The following PFKP variants were observed in gnomAD, a reference collection of about 807,000 sequenced individuals.
The protein encoded by PFKP is ATP-dependent 6-phosphofructokinase, platelet type.
PFKP carries 101 observed loss-of-function variants against 94.3 expected under a neutral mutation model. That is an observed-to-expected ratio of 1.07 (90% CI 0.91 to 1.26). PFKP has a LOEUF of 1.26. Ranked by LOEUF, PFKP falls within the 50% of genes most tolerant of loss-of-function variation. PFKP has a pLI of 0.00. For synonymous variants in PFKP, 573 were observed against 432.6 expected (o/e 1.32, Z -4.03); for missense variants, 1,145 against 1,103.3 (o/e 1.04, Z -0.53).
At chr10:3,068,813 G>A in intron 1 of PFKP, 2 of 527,124 alleles carry the variant, frequency 3.8e-6, no homozygotes, top group Non-Finnish European at 4.9e-6. Context: ...GACGCGGCGC[G>A]CCCCGAGCTG....
rs973695023 is a variant in PFKP at position 3,113,319 on chromosome 10, A to G, written c.1225-53A>G. ...GAGCCACTGCCAAAGTGTGCAGCAA[A>G]TGGAGCTCACGTGTGCCCGTGACCC... On this transcript the variant is annotated intron_variant, in intron 12 of 21. Transcript: ENST00000381125. The G allele has an allele frequency of 9.5e-6, 15 of 1,578,154 alleles. No homozygotes were observed. In the African/African-American group the frequency reaches 1.7e-4, roughly 18 times the overall value.
intron 3 of PFKP, 145 bp from the exon 4 acceptor site, chr10:3,101,220 C>A (rs1258430968): frequency 2.6e-6 from 2 of 772,250 alleles, no homozygotes; most frequent in Non-Finnish European, 2.0e-6. Flanking sequence ...AAATCACAGT[C>A]TTTCATAGCT....
In PFKP at chr10:3,109,653, C is replaced by A. The variant is rs115553316; in HGVS notation, c.1089+173C>A. Among the ~76,000 whole-genome samples the A allele has an allele frequency of 6.8e-3, 1,040 of 152,318 alleles. 5 individuals carry two copies. The highest frequency in any genetic ancestry group is 0.024 in the African/African-American group (990 of 41,572). ...GGGAGAAGGCTTATGTTCTCTCCCA[C>A]ACCTGCAGAGCCTGCGCCGTCTTCG... On this transcript the variant is annotated intron_variant, in intron 10 of 21. Transcript: ENST00000381125.
chr10:3,074,271 C>T (rs556271608), intron 1 of PFKP, among the ~76,000 whole-genome samples: 1 of 152,198 alleles, frequency 6.6e-6, no homozygotes, highest in Non-Finnish European at 1.5e-5. Flanking sequence ...GCGGGTACGA[C>T]GTGCCTGTAG....
rs562235338 is a variant in PFKP at position 3,136,532 on chromosome 10, G to C, written c.2308G>C (p.Val770Leu). 869 of 1,613,582 alleles carry C rather than the reference G, an allele frequency of 5.4e-4. 13 individuals carry two copies. In the South Asian group the frequency reaches 9.0e-3, roughly 17 times the overall value. ...GGCCAAGTACAAGGCCAGCTATGAC[G>C]TGTCGGACTCAGGCCAGCTGGAACA... is the stretch of plus-strand genomic sequence containing the variant. ...ILAKYKASYD[V>L]SDSGQLEHVQ... is the part of the protein sequence containing the mutation. The change falls in exon 22 of 22, where the codon GTG becomes CTG. Residue 770 changes from valine (V) to leucine (L), a missense_variant. Val to Leu is a conservative substitution (Grantham distance 32). Coordinates refer to ENST00000381125, the MANE Select transcript of PFKP (RefSeq NM_002627.5).
intron 1 of PFKP, among the ~76,000 whole-genome samples, chr10:3,079,394 C>T (rs1832849750): frequency 2.6e-5 from 4 of 152,100 alleles, no homozygotes; most frequent in Admixed American, 1.3e-4. Flanking sequence ...GCCACCACGC[C>T]TGGCTAATTT....
At position 3,134,501 on chromosome 10, in the gene PFKP, T is replaced by C; in HGVS notation, c.2041T>C (p.Phe681Leu). The C allele has an allele frequency of 6.2e-7, 1 of 1,613,142 alleles. No individual in the cohort carries two copies. Among genetic ancestry groups the C allele is most frequent in the Non-Finnish European group, 8.5e-7 (1 of 1,179,154 alleles). ...CCAACAGGGTGGGGCACCCTCTCCA[T>C]TTGATAGAAACTTTGGAACCAAAAT... ...HMQQGGAPSP[F>L]DRNFGTKISA... Residue 681 changes from phenylalanine to leucine, a missense_variant, in exon 20 of 22, where the codon TTT becomes CTT. Phe to Leu is a conservative substitution (Grantham distance 22). Transcript: ENST00000381125.
At chr10:3,109,231 G>C in intron 9 of PFKP, 124 bp from the exon 10 acceptor site, 1 of 1,276,302 alleles carries the variant, frequency 7.8e-7, no homozygotes, top group Non-Finnish European at 1.1e-6. Context: ...TAAAGAGTTG[G>C]GCTGGAAGCG....
In PFKP at chr10:3,088,403, G is replaced by T. The variant is rs375416491; in HGVS notation, c.186+5942G>T. 6.6e-5 allele frequency among the ~76,000 whole-genome samples: 10 copies of T among 152,278 alleles called. No homozygotes were observed. The South Asian group carries it at 2.1e-3, about 32-fold the overall frequency. ...TCTTAATCCAGTCTATCACTGATGG[G>T]CATTTGGGGTGGTTCCAAGTCTTTA... On this transcript the variant is annotated intron_variant, in intron 2 of 21. Transcript: ENST00000381125.
At chr10:3,082,531 C>T (rs568292726) in intron 2 of PFKP, 70 bp downstream of exon 2, 62 of 1,120,460 alleles carry the variant, frequency 5.5e-5, no homozygotes, top group Middle Eastern at 2.8e-4. Flanking sequence ...CACCGGCGCT[C>T]GCTCACCCCT....
At position 3,133,058 on chromosome 10, in the gene PFKP, C is replaced by T. The variant is rs560866085; in HGVS notation, c.1911-145C>T. 1.7e-4 allele frequency: 117 copies of T among 669,818 alleles called. 1 individual carries two copies. The highest frequency in any genetic ancestry group is 1.2e-3 in the African/African-American group (67 of 56,604). The allele number at this position is 669,818 out of a possible 1,614,324, so 41.5% of individuals were successfully genotyped here. ...GGTAACAAACTGCAGAAAGCAAAAC[C>T]GTGAACTGGAGGGACTGGTGTTGAT... On this transcript the variant is annotated intron_variant, in intron 18 of 21. Coordinates refer to ENST00000381125, the MANE Select transcript of PFKP (RefSeq NM_002627.5).
intron 9 of PFKP, among the ~76,000 whole-genome samples, 198 bp from the exon 10 acceptor site, chr10:3,109,157 T>C (rs555220902): frequency 3.9e-5 from 6 of 152,210 alleles, no homozygotes; most frequent in South Asian, 2.1e-4. Flanking sequence ...CTGCTCTCCA[T>C]GTGCCCTGAC....
chr10:3,077,756 ACT>A (rs1391511124), intron 1 of PFKP, among the ~76,000 whole-genome samples: 4 of 152,046 alleles, frequency 2.6e-5, no homozygotes, highest in African/African-American at 4.8e-5. Context: ...CCGTCCTGTG[ACT>A]CTCTTACCTG....
intron 16 of PFKP, among the ~76,000 whole-genome samples, chr10:3,127,226 C>T (rs1588556679): frequency 6.6e-6 from 1 of 152,370 alleles, no homozygotes; most frequent in South Asian, 2.1e-4. Context: ...CTCTTCCGTA[C>T]CAGCTGTCGC....
rs144347160 is a variant in PFKP at position 3,096,207 on chromosome 10, G to A, written c.187-3068G>A. Among the ~76,000 whole-genome samples, 704 of 152,250 alleles carry A rather than the reference G, an allele frequency of 4.6e-3. 11 individuals are homozygous for A. The highest frequency in any genetic ancestry group is 0.017 in the Middle Eastern group (5 of 294). On this transcript the variant is annotated intron_variant, in intron 2 of 21. Transcript: ENST00000381125. ...AAAATGCTGGGTGGCGGTTGACTTG[G>A]AAGCAGCGTCCGGGATAGCGCGTGC...
chr10:3,097,191 C>G (rs966960627), intron 2 of PFKP, among the ~76,000 whole-genome samples: 1 of 151,698 alleles, frequency 6.6e-6, no homozygotes, highest in East Asian at 1.9e-4. Flanking sequence ...CGCCTACCTA[C>G]CTATTGTACT....
chr10:3,071,445 T>G (rs72778558), intron 1 of PFKP, among the ~76,000 whole-genome samples: 21,708 of 138,826 alleles, frequency 0.16, 1,585 homozygotes, highest in Non-Finnish European at 0.22. Flanking sequence ...TTTTTTTTTT[T>G]TTTTCTTTCT....
At chr10:3,077,720 A>G (rs1832730992) in intron 1 of PFKP, among the ~76,000 whole-genome samples, 1 of 152,200 alleles carries the variant, frequency 6.6e-6, no homozygotes, top group Non-Finnish European at 1.5e-5. Context: ...GTGTAGGCCA[A>G]GGATGACTCT....
intron 2 of PFKP, among the ~76,000 whole-genome samples, chr10:3,095,177 T>A (rs1834370899): frequency 2.0e-5 from 2 of 102,158 alleles, no homozygotes; most frequent in South Asian, 6.3e-4. Context: ...CGGTATAATT[T>A]CCCTTTGTCT....
Sources: gnomAD v4.1 joint callset for allele counts (sites outside exome capture counted in the v4.1 genomes callset) on GRCh38, gnomAD v4.1.1 for gene constraint, MANE v1.5 for transcripts, NCBI Gene and HGNC (gene_info 2026-07-23, HGNC 2026-07-21) for gene names.